Variants in MAGI3 observed in about 807,000 individuals in gnomAD.
MAGI3 encodes membrane-associated guanylate kinase, WW and PDZ domain-containing protein 3.
In MAGI3, 43 loss-of-function variants were observed where a neutral mutation model predicts 121.8. The observed-to-expected ratio is 0.35, with a 90% confidence interval of 0.28 to 0.46. The LOEUF (loss-of-function observed/expected upper bound fraction) is 0.46, where lower values mean the gene tolerates loss of function less well. MAGI3 is among the 20% of genes least tolerant of loss of function. The probability of loss-of-function intolerance (pLI) is 1.00; values close to 1 mark genes in which losing one functional copy is unlikely to be tolerated. For missense variants in MAGI3, 1,547 were observed against 1,797.3 expected (o/e 0.86, Z 2.52); for synonymous variants, 553 against 639.3 (o/e 0.86, Z 2.04).
chr1:113,533,940 T>A (rs1658847010), intron 1 of MAGI3, among the ~76,000 whole-genome samples: 1 of 152,202 alleles, frequency 6.6e-6, no homozygotes, highest in Admixed American at 6.5e-5. Context: ...TGAGTTTTCT[T>A]CAACTGTGCT....
At chr1:113,602,194 C>G (rs1649441109) in intron 6 of MAGI3, among the ~76,000 whole-genome samples, 1 of 151,864 alleles carries the variant, frequency 6.6e-6, no homozygotes, top group African/African-American at 2.4e-5. Flanking sequence ...GCACATTGTG[C>G]ACATGTACCC....
Position 113,681,315 on chromosome 1 carries a change from A to G in MAGI3, c.3307A>G (p.Thr1103Ala). The G allele has an allele frequency of 1.9e-6, 3 of 1,614,134 alleles. No homozygotes were observed. The highest frequency in any genetic ancestry group is 2.5e-6 in the Non-Finnish European group (3 of 1,180,008). The part of the protein sequence containing the change: ...NKVLLLLRPG[T>A]GLIPDHGDWD... Reference sequence around the variant, plus strand: ...AGTTCTTCTTCTTTTGAGGCCAGGAACTGGCTTGATACCTGACCATGGTAA... The same window carrying G: ...AGTTCTTCTTCTTTTGAGGCCAGGAGCTGGCTTGATACCTGACCATGGTAA... The change falls in exon 20 of 21, where the codon ACT becomes GCT. Residue 1103 changes from threonine (T) to alanine (A), a missense_variant. Coordinates refer to ENST00000307546, the MANE Select transcript of MAGI3 (RefSeq NM_001142782.2).
chr1:113,624,142 A>G (rs941129092), intron 9 of MAGI3, among the ~76,000 whole-genome samples: 1 of 152,292 alleles, frequency 6.6e-6, no homozygotes, highest in African/African-American at 2.4e-5. Flanking sequence ...AATCTTGGCT[A>G]TTGTGAAAAG....
chr1:113,524,708 T>G (rs897126794), intron 1 of MAGI3, among the ~76,000 whole-genome samples: 3 of 152,216 alleles, frequency 2.0e-5, no homozygotes, highest in African/African-American at 7.2e-5. Flanking sequence ...TTGCCTTGTC[T>G]CAGTTGAGAC....
At chr1:113,421,844 G>T (rs1652747594) in intron 1 of MAGI3, among the ~76,000 whole-genome samples, 1 of 151,720 alleles carries the variant, frequency 6.6e-6, no homozygotes, top group Non-Finnish European at 1.5e-5. Context: ...ATACGCTAAT[G>T]TCTGAAACCA....
intron 16 of MAGI3, among the ~76,000 whole-genome samples, chr1:113,659,709 G>T (rs1458186254): frequency 6.6e-6 from 1 of 152,144 alleles, no homozygotes; most frequent in Non-Finnish European, 1.5e-5. Flanking sequence ...CTGGGCAGCC[G>T]CTTTGTAAAC....
chr1:113,674,080 A>G (rs1465721113), intron 19 of MAGI3, among the ~76,000 whole-genome samples: 1 of 152,226 alleles, frequency 6.6e-6, no homozygotes, highest in African/African-American at 2.4e-5. Context: ...GATGTTAATT[A>G]AAGAGGAATC....
rs71090716 is a variant in MAGI3, at chr1:113,633,238, A to ATTTT, written c.1361-8635_1361-8632dup. On this transcript the variant is annotated intron_variant, in intron 9 of 20. Coordinates refer to ENST00000307546, the MANE Select transcript of MAGI3 (RefSeq NM_001142782.2). ...TCCCTACAAAGGACATGAACTCATC[A>ATTTT]TTTTTTTTTTTTTTTTTTTTTTTTT... Among the ~76,000 whole-genome samples the ATTTT allele has an allele frequency of 2.3e-3, 129 of 56,668 alleles. 36 individuals are homozygous for ATTTT. The highest frequency in any genetic ancestry group is 5.8e-3 in the East Asian group (9 of 1,544). The allele number at this position is 56,668 out of a possible 152,430, so 37.2% of individuals were successfully genotyped here. A position where few individuals can be genotyped will look rare whatever the true frequency, so the allele number is the denominator to read the frequency against.
intron 9 of MAGI3, among the ~76,000 whole-genome samples, chr1:113,629,488 G>T (rs973693141): frequency 6.6e-6 from 1 of 152,110 alleles, no homozygotes; most frequent in African/African-American, 2.4e-5. Context: ...CCTTATAGAT[G>T]TTTGTTGGTG....
rs775798705 is a variant in MAGI3 at position 113,622,830 on chromosome 1, G to T, written c.1196G>T (p.Arg399Ile). ...GATATGGAAAAATCACACTTCACAA[G>T]AGATCCATCCCAGCTTAAAGGTGTC... Reference protein sequence around the residue: ...KPDMEKSHFTRDPSQLKGVLV... With the variant: ...KPDMEKSHFTIDPSQLKGVLV... The change falls in exon 9 of 21, where the codon AGA becomes ATA. Residue 399 changes from arginine to isoleucine, a missense_variant. Coordinates refer to ENST00000307546, the MANE Select transcript of MAGI3 (RefSeq NM_001142782.2). The T allele has an allele frequency of 1.3e-6, 2 of 1,586,332 alleles. No homozygotes were observed. Among genetic ancestry groups the T allele is most frequent in the Admixed American group, 1.9e-5 (1 of 52,548 alleles).
chr1:113,596,128 A>G (rs7545980), intron 6 of MAGI3, among the ~76,000 whole-genome samples: 2,469 of 152,222 alleles, frequency 0.016, 77 homozygotes, highest in African/African-American at 0.056. Context: ...AAGTTGGAAG[A>G]CATAGGGTAC....
At chr1:113,426,648 G>A (rs1180516759) in intron 1 of MAGI3, among the ~76,000 whole-genome samples, 1 of 152,022 alleles carries the variant, frequency 6.6e-6, no homozygotes, top group African/African-American at 2.4e-5. Flanking sequence ...TAATATTCTT[G>A]TTTGTCTCTA....
intron 1 of MAGI3, among the ~76,000 whole-genome samples, chr1:113,446,368 A>G (rs1373758945): frequency 6.6e-6 from 1 of 152,214 alleles, no homozygotes; most frequent in African/African-American, 2.4e-5. Context: ...AACCACAAAG[A>G]AAATAGCTAT....
intron 5 of MAGI3, among the ~76,000 whole-genome samples, chr1:113,594,158 G>A (rs923753445): frequency 6.6e-6 from 1 of 152,200 alleles, no homozygotes; most frequent in East Asian, 1.9e-4. Context: ...GCTAGATAAT[G>A]CACAGTATGT....
intron 1 of MAGI3, among the ~76,000 whole-genome samples, chr1:113,494,561 G>T (rs1180066081): frequency 6.6e-6 from 1 of 152,124 alleles, no homozygotes; most frequent in Non-Finnish European, 1.5e-5. Context: ...CTCTGAATTA[G>T]TAACAGTTCC....
Position 113,684,019 on chromosome 1 carries a change from T to C in MAGI3, c.*5T>C. On this transcript the variant is annotated 3_prime_UTR_variant, in exon 21 of 21. Coordinates refer to ENST00000307546, the MANE Select transcript of MAGI3 (RefSeq NM_001142782.2). Reference sequence around the variant, plus strand: ...ATGGCTGAGAAACGGCAGTAACCTTTAGTATAAAACAAAGAAAAACAAGTT... The same window carrying C: ...ATGGCTGAGAAACGGCAGTAACCTTCAGTATAAAACAAAGAAAAACAAGTT... 2 of 1,538,250 alleles carry C rather than the reference T, an allele frequency of 1.3e-6. No individual in the cohort carries two copies. The highest frequency in any genetic ancestry group is 1.7e-6 in the Non-Finnish European group (2 of 1,149,234).
intron 1 of MAGI3, among the ~76,000 whole-genome samples, chr1:113,510,460 C>T (rs1030182748): frequency 6.7e-6 from 1 of 150,230 alleles, no homozygotes; most frequent in African/African-American, 2.5e-5. Flanking sequence ...CACCAAATAT[C>T]TGTTTGGTCT....
intron 1 of MAGI3, among the ~76,000 whole-genome samples, chr1:113,479,588 A>G (rs904814898): frequency 6.6e-6 from 1 of 152,306 alleles, no homozygotes; most frequent in Non-Finnish European, 1.5e-5. Context: ...TCTCTTTATT[A>G]TTAATCTATT....
intron 1 of MAGI3, among the ~76,000 whole-genome samples, chr1:113,505,581 T>A (rs899008581): frequency 6.7e-6 from 1 of 149,720 alleles, no homozygotes; most frequent in African/African-American, 2.5e-5. Context: ...ACATAAAAGC[T>A]ATGAAGAAAA....
Sources: gnomAD v4.1 joint callset for allele counts (sites outside exome capture counted in the v4.1 genomes callset) on GRCh38, gnomAD v4.1.1 for gene constraint, MANE v1.5 for transcripts, NCBI Gene and HGNC (gene_info 2026-07-23, HGNC 2026-07-21) for gene names.